The following NAALADL2 variants were observed in gnomAD, a reference collection of about 807,000 sequenced individuals.
NAALADL2 encodes the protein N-acetylated alpha-linked acidic dipeptidase like 2.
Under a neutral mutation model 87.2 loss-of-function variants are expected in NAALADL2, and 76 were observed. The ratio of observed to expected loss-of-function variants is 0.87; its 90% CI spans 0.72 to 1.05. The LOEUF (loss-of-function observed/expected upper bound fraction) is 1.05, where lower values mean the gene tolerates loss of function less well. Ranked by LOEUF, NAALADL2 falls within the 50% of genes least tolerant of loss-of-function variation. The probability of loss-of-function intolerance (pLI) is 0.00; values close to 1 mark genes in which losing one functional copy is unlikely to be tolerated. For synonymous variants in NAALADL2, 354 were observed against 331.0 expected, an observed-to-expected ratio of 1.07 and a Z score of -0.75; for missense variants, 1,089 against 945.8, an observed-to-expected ratio of 1.15 and a Z score of -1.99.
At chr3:175,003,501 A>T (rs1394519767) in intron 1 of NAALADL2, among the ~76,000 whole-genome samples, 1 of 152,258 alleles carries the variant, frequency 6.6e-6, no homozygotes, top group Non-Finnish European at 1.5e-5. Context: ...ATTCAGAAAC[A>T]GTGACTAAAG....
At chr3:174,613,268 A>G (rs78197765) in intron 2 of NAALADL2, among the ~76,000 whole-genome samples, 1 of 152,090 alleles carries the variant, frequency 6.6e-6, no homozygotes, top group East Asian at 1.9e-4. Flanking sequence ...GGTCTTGCCC[A>G]AGGCCTGCTG....
At chr3:174,738,237 C>T (rs1733400007) in intron 3 of NAALADL2, among the ~76,000 whole-genome samples, 1 of 152,140 alleles carries the variant, frequency 6.6e-6, no homozygotes, top group Non-Finnish European at 1.5e-5. Context: ...AGACTGTGAA[C>T]TTCTGTTCAT....
intron 11 of NAALADL2, among the ~76,000 whole-genome samples, chr3:175,714,600 T>A (rs1267333324): frequency 6.6e-6 from 1 of 152,230 alleles, no homozygotes; most frequent in Non-Finnish European, 1.5e-5. Context: ...TGTACATTTG[T>A]TTAAGTTCTT....
intron 1 of NAALADL2, among the ~76,000 whole-genome samples, chr3:174,885,864 C>G (rs1446556731): frequency 2.3e-5 from 3 of 128,582 alleles, no homozygotes; most frequent in Non-Finnish European, 4.8e-5. Flanking sequence ...GCAAGGAGAG[C>G]CAGTCCGAGT....
At chr3:174,587,870 T>G (rs7647360) in intron 2 of NAALADL2, among the ~76,000 whole-genome samples, 1 of 152,104 alleles carries the variant, frequency 6.6e-6, no homozygotes, top group Non-Finnish European at 1.5e-5. Context: ...TTGCTCTTCT[T>G]GAGGAGTATC....
intron 3 of NAALADL2, among the ~76,000 whole-genome samples, chr3:174,751,848 T>TTATG (rs965258501): frequency 7.5e-6 from 1 of 133,592 alleles, no homozygotes; most frequent in Non-Finnish European, 1.6e-5. Context: ...ACTTTAGAGA[T>TTATG]TATGTATGTA....
At chr3:175,308,908 A>G (rs576067733) in intron 4 of NAALADL2, among the ~76,000 whole-genome samples, 4 of 152,318 alleles carry the variant, frequency 2.6e-5, no homozygotes, top group African/African-American at 9.6e-5. Flanking sequence ...TCTGTACATG[A>G]ACTAGGCATC....
chr3:174,714,426 C>T (rs1187895371), intron 2 of NAALADL2, among the ~76,000 whole-genome samples: 1 of 152,058 alleles, frequency 6.6e-6, no homozygotes, highest in African/African-American at 2.4e-5. Context: ...ATTCTTCCTA[C>T]CCATGAGCAT....
At chr3:174,901,277 A>T (rs1363429613) in intron 1 of NAALADL2, among the ~76,000 whole-genome samples, 1 of 152,200 alleles carries the variant, frequency 6.6e-6, no homozygotes, top group Admixed American at 6.5e-5. Context: ...TGGGGAATTT[A>T]TCAACCATTT....
chr3:175,294,706 A>T (rs778110120), intron 4 of NAALADL2, among the ~76,000 whole-genome samples: 27 of 152,262 alleles, frequency 1.8e-4, no homozygotes, highest in Admixed American at 1.8e-3. Flanking sequence ...AAGATAATTT[A>T]TGAAGATAAA....
At chr3:175,054,910 T>C (rs201704462) in intron 1 of NAALADL2, among the ~76,000 whole-genome samples, 25 of 152,286 alleles carry the variant, frequency 1.6e-4, no homozygotes, top group East Asian at 7.7e-4. Context: ...GAAGTTATAA[T>C]TGGTTGAATA....
rs1293547481 is a variant in NAALADL2 at position 174,699,768 on chromosome 3, G to A, written c.-114-37873G>A. On this transcript the variant is annotated intron_variant, in intron 2 of 3. Coordinates refer to the NAALADL2 transcript ENST00000434257. ...GGTCTCGTTTTTGTGGTGTTTCTAA[G>A]CATTATATATGAGTTCATATGTGGT... 4.7e-5 allele frequency among the ~76,000 whole-genome samples: 7 copies of A among 149,984 alleles called. No individual in the cohort carries two copies. The South Asian group carries it at 1.3e-3, about 27-fold the overall frequency.
chr3:174,888,190 G>C (rs766499270), intron 1 of NAALADL2, among the ~76,000 whole-genome samples: 4 of 152,208 alleles, frequency 2.6e-5, no homozygotes. Flanking sequence ...AAAATTCAGA[G>C]TCTAGAATGT....
At chr3:175,321,654 T>A (rs1221738706) in intron 4 of NAALADL2, among the ~76,000 whole-genome samples, 195 of 93,420 alleles carry the variant, frequency 2.1e-3, no homozygotes, top group Non-Finnish European at 3.5e-3. Flanking sequence ...GGATACAAAA[T>A]CAATGTACAA....
At chr3:175,035,075 A>G (rs1353635717) in intron 1 of NAALADL2, among the ~76,000 whole-genome samples, 1 of 152,162 alleles carries the variant, frequency 6.6e-6, no homozygotes, top group African/African-American at 2.4e-5. Flanking sequence ...AATGAAGGTT[A>G]TGAGAGATGT....
At chr3:175,723,844 G>T (rs1181679223) in intron 11 of NAALADL2, among the ~76,000 whole-genome samples, 1 of 151,988 alleles carries the variant, frequency 6.6e-6, no homozygotes, top group Admixed American at 6.6e-5. Flanking sequence ...CTTACTAAGA[G>T]AGCTGCCCTT....
At position 174,724,094 on chromosome 3, in the gene NAALADL2, C is replaced by T. The variant is rs558962261; in HGVS notation, c.-114-13547C>T. Among the ~76,000 whole-genome samples the T allele has an allele frequency of 4.6e-5, 7 of 152,284 alleles. No homozygotes were observed. In the East Asian group the frequency reaches 1.4e-3, roughly 29 times the overall value. ...CCATGTTATTCTCTAAGACTGGCTA[C>T]ATCCCTTGTGACACTAATGCTAATT... is the stretch of plus-strand genomic sequence containing the variant. On this transcript the variant is annotated intron_variant, in intron 2 of 3. Transcript: ENST00000434257.
At chr3:174,486,250 G>A (rs946240831) in intron 1 of NAALADL2, among the ~76,000 whole-genome samples, 3 of 151,988 alleles carry the variant, frequency 2.0e-5, no homozygotes, top group Non-Finnish European at 4.4e-5. Context: ...TTCTCCTAAG[G>A]ATATACATTG....
At chr3:175,055,881 G>A (rs1037885027) in intron 1 of NAALADL2, among the ~76,000 whole-genome samples, 2 of 152,110 alleles carry the variant, frequency 1.3e-5, no homozygotes, top group African/African-American at 4.8e-5. Context: ...ATTACCTCCA[G>A]TACCATCACA....
Sources: allele counts gnomAD v4.1 joint callset (sites outside exome capture counted in the v4.1 genomes callset), GRCh38; gene constraint gnomAD v4.1.1; transcripts MANE v1.5; gene names NCBI Gene and HGNC (gene_info 2026-07-23, HGNC 2026-07-21).